BRCA2: variants seen among roughly 807,000 people sequenced by gnomAD.
The protein encoded by BRCA2 is breast cancer type 2 susceptibility protein.
In BRCA2, 203 loss-of-function variants were observed where a neutral mutation model predicts 276.7. That is an observed-to-expected ratio of 0.73 (90% CI 0.65 to 0.82). The LOEUF (loss-of-function observed/expected upper bound fraction) is 0.82. Among genes scored for constraint, BRCA2 ranks in the 40% least tolerant of loss-of-function variants. The pLI, the probability that BRCA2 is intolerant of heterozygous loss-of-function variation, is 0.00. For synonymous variants in BRCA2, 1,289 were observed against 1,338.4 expected (o/e 0.96, Z 0.81); for missense variants, 3,920 against 3,915.0 (o/e 1.00, Z -0.03).
At chr13:32,327,768 ATT>A (rs113733140) in intron 7 of BRCA2, among the ~76,000 whole-genome samples, 5 of 144,138 alleles carry the variant, frequency 3.5e-5, no homozygotes, top group African/African-American at 2.6e-5. Context: ...AGTTGTGACT[ATT>A]TTTTTTTTTT....
chr13:32,344,388 T>C (rs1593911860), intron 11 of BRCA2, among the ~76,000 whole-genome samples, 170 bp from the exon 12 acceptor site: 1 of 152,134 alleles, frequency 6.6e-6, no homozygotes, highest in East Asian at 1.9e-4. Flanking sequence ...GTAATTGACA[T>C]TGAAGACTGA....
At chr13:32,351,436 A>C (rs888064111) in intron 13 of BRCA2, among the ~76,000 whole-genome samples, 2 of 152,200 alleles carry the variant, frequency 1.3e-5, no homozygotes, top group Non-Finnish European at 2.9e-5. Flanking sequence ...CTCGGGACAC[A>C]CTATCTTTAA....
At position 32,337,485 on chromosome 13, in the gene BRCA2, T is replaced by G; in HGVS notation, c.3130T>G (p.Cys1044Gly). Residue 1044 changes from cysteine (C) to glycine (G), a missense_variant, in exon 11 of 27, where the codon TGT becomes GGT. Around this residue, in one of 2 missense-constraint regions of BRCA2, gnomAD observed 3,263 missense variants for 3,156.9 expected, o/e 1.03. Transcript: ENST00000380152. ...AGAACAATATCCTACTAGTTTAGCT[T>G]GTGTTGAAATTGTAAATACCTTGGC... ...IEEQYPTSLACVEIVNTLALD... is the reference protein window; with the variant it reads ...IEEQYPTSLAGVEIVNTLALD... 1.2e-6 allele frequency: 2 copies of G among 1,609,596 alleles called. No individual in the cohort carries two copies. Among genetic ancestry groups the G allele is most frequent in the Non-Finnish European group, 1.7e-6 (2 of 1,177,890 alleles).
At chr13:32,334,550 T>C (rs1388548975) in intron 10 of BRCA2, among the ~76,000 whole-genome samples, 1 of 151,958 alleles carries the variant, frequency 6.6e-6, no homozygotes, top group African/African-American at 2.4e-5. Flanking sequence ...GGCATGCTTC[T>C]GATGTTGTAG....
intron 18 of BRCA2, among the ~76,000 whole-genome samples, chr13:32,367,133 C>T (rs1180942499): frequency 6.6e-6 from 1 of 151,874 alleles, no homozygotes; most frequent in Non-Finnish European, 1.5e-5. Flanking sequence ...ATAATTTGAG[C>T]ATCAGAAAGG....
rs2072758081 is a variant in BRCA2, at chr13:32,363,375, TGGTATGCTG to T, written c.8174_8182del (p.Trp2725_Val2728delinsPhe). 2 of 1,613,938 alleles carry T rather than the reference TGGTATGCTG, an allele frequency of 1.2e-6. No individual in the cohort carries two copies. The highest frequency in any genetic ancestry group is 1.7e-5 in the Admixed American group (1 of 59,986). ...GGCCATTATTGAACTTACAGATGGG[TGGTATGCTG>T]TTAAGGCCCAGTTAGATCCTCCCCT... On this transcript the variant is annotated inframe_deletion, in exon 18 of 27. Transcript: ENST00000380152.
Position 32,337,555 on chromosome 13 carries a change from C to A in BRCA2, c.3200C>A (p.Thr1067Asn), listed in dbSNP as rs1555283092. The change falls in exon 11 of 27, where the codon ACT (threonine) becomes AAT (asparagine). Residue 1067 changes from threonine to asparagine, a missense_variant. Coordinates refer to ENST00000380152, the MANE Select transcript of BRCA2 (RefSeq NM_000059.4). ...CTGAGCAAGCCTCAGTCAATTAATA[C>A]TGTATCTGCACATTTACAGAGTAGT... ...KKLSKPQSIN[T>N]VSAHLQSSVV... The A allele has an allele frequency of 6.2e-7, 1 of 1,607,740 alleles. No homozygotes were observed. The highest frequency in any genetic ancestry group is 8.5e-7 in the Non-Finnish European group (1 of 1,176,754).
At chr13:32,352,765 T>TA (rs2072661563) in intron 13 of BRCA2, among the ~76,000 whole-genome samples, 1 of 152,186 alleles carries the variant, frequency 6.6e-6, no homozygotes, top group South Asian at 2.1e-4. Context: ...ATTGGTGTTT[T>TA]AGAAGTATAC....
rs587782713 is a variant in BRCA2, at chr13:32,333,192, G to A, written c.1714G>A (p.Val572Ile). 34 of 1,613,764 alleles carry A rather than the reference G, an allele frequency of 2.1e-5. No individual in the cohort carries two copies. The South Asian group carries it at 3.3e-4, about 16-fold the overall frequency. The change falls in exon 10 of 27, where the codon GTA (valine) becomes ATA (isoleucine). Residue 572 changes from valine (V) to isoleucine (I), a missense_variant. By Grantham distance (29) the Val-to-Ile change is conservative. Coordinates refer to ENST00000380152, the MANE Select transcript of BRCA2 (RefSeq NM_000059.4). The part of the protein sequence containing the change: ...SWPATTTQNS[V>I]ALKNAGLIST... The stretch of plus-strand genomic sequence containing the variant: ...GCCAGCCACCACCACACAGAATTCT[G>A]TAGCTTTGAAGAATGCAGGTTTAAT...
At chr13:32,391,887 G>A (rs558679853) in intron 24 of BRCA2, among the ~76,000 whole-genome samples, 3 of 152,246 alleles carry the variant, frequency 2.0e-5, no homozygotes, top group South Asian at 4.1e-4. Flanking sequence ...CTCCACTTAC[G>A]TAAAAGTGCA....
chr13:32,350,917 C>T (rs966255992), intron 13 of BRCA2, among the ~76,000 whole-genome samples: 6 of 151,940 alleles, frequency 3.9e-5, no homozygotes, highest in African/African-American at 1.5e-4. Context: ...ACTTTTCTGT[C>T]CGGCTAAAGG....
chr13:32,383,874 T>C (rs1278054118), intron 24 of BRCA2, among the ~76,000 whole-genome samples: 1 of 152,124 alleles, frequency 6.6e-6, no homozygotes, highest in African/African-American at 2.4e-5. Flanking sequence ...AATAAAAGTC[T>C]TGGGTATGTC....
chr13:32,353,356 A>G (rs920536486), intron 13 of BRCA2, among the ~76,000 whole-genome samples: 1 of 152,122 alleles, frequency 6.6e-6, no homozygotes, highest in African/African-American at 2.4e-5. Context: ...CTACTCCTCA[A>G]TACACAGTGA....
intron 24 of BRCA2, among the ~76,000 whole-genome samples, chr13:32,383,327 T>C (rs1431501546): frequency 1.3e-5 from 2 of 152,026 alleles, no homozygotes; most frequent in Admixed American, 6.6e-5. Context: ...ACCACTGCAC[T>C]CCAGACTGGG....
chr13:32,317,657 T>C (rs2072273509), intron 2 of BRCA2, among the ~76,000 whole-genome samples: 1 of 152,244 alleles, frequency 6.6e-6, no homozygotes, highest in Non-Finnish European at 1.5e-5. Context: ...AAAATCTCAT[T>C]CATTAATACC....
At position 32,336,390 on chromosome 13, in the gene BRCA2, A is replaced by G. The variant is rs786202617; in HGVS notation, c.2035A>G (p.Asn679Asp). 6.2e-7 allele frequency: 1 copy of G among 1,612,810 alleles called. No individual in the cohort carries two copies. Among genetic ancestry groups the G allele is most frequent in the Non-Finnish European group, 8.5e-7 (1 of 1,179,660 alleles). Residue 679 changes from asparagine to aspartate, a missense_variant, in exon 11 of 27, where the codon AAT becomes GAT. Asn to Asp is a conservative substitution (Grantham distance 23). Around this residue, in one of 2 missense-constraint regions of BRCA2, gnomAD observed 3,263 missense variants for 3,156.9 expected, o/e 1.03. Transcript: ENST00000380152. ...KCSRNETCSN[N>D]TVISQDLDYK... ...TTCTAGAAATGAAACATGTTCTAAT[A>G]ATACAGTAATCTCTCAGGATCTTGA...
chr13:32,345,126 T>C (rs1242514724), intron 12 of BRCA2, among the ~76,000 whole-genome samples: 2 of 152,128 alleles, frequency 1.3e-5, no homozygotes, highest in African/African-American at 4.8e-5. Flanking sequence ...GCAATAAGTA[T>C]TGTCACTTAT....
chr13:32,362,481 C>A (rs757736851), intron 16 of BRCA2, 42 bp from the exon 17 acceptor site: 2 of 1,557,676 alleles, frequency 1.3e-6, no homozygotes, highest in South Asian at 1.1e-5. Flanking sequence ...CAGTATCATC[C>A]TATGTGGTTT....
chr13:32,374,793 A>G (rs1279983149), intron 20 of BRCA2, among the ~76,000 whole-genome samples: 1 of 151,994 alleles, frequency 6.6e-6, no homozygotes, highest in Non-Finnish European at 1.5e-5. Context: ...AACTCTTCCA[A>G]TCTCTGCCTG....
Sources: allele counts gnomAD v4.1 joint callset (sites outside exome capture counted in the v4.1 genomes callset), GRCh38; gene constraint gnomAD v4.1.1; regional missense constraint gnomAD v4.1.1; transcripts MANE v1.5; gene names NCBI Gene and HGNC (gene_info 2026-07-23, HGNC 2026-07-21).